Variants in MYH3 observed in about 807,000 individuals in gnomAD.
The protein encoded by MYH3 is myosin heavy chain 3.
MYH3 carries 130 observed loss-of-function variants against 238.0 expected under a neutral mutation model. That is an observed-to-expected ratio of 0.55 (90% CI 0.47 to 0.63). The LOEUF (loss-of-function observed/expected upper bound fraction) is 0.63, where lower values mean the gene tolerates loss of function less well. Among genes scored for constraint, MYH3 ranks in the 30% least tolerant of loss-of-function variants. The pLI is 0.00. For synonymous variants in MYH3, 880 were observed against 924.1 expected (o/e 0.95, Z 0.86); for missense variants, 1,853 against 2,374.9 (o/e 0.78, Z 4.57).
rs775987853 is a variant in MYH3, at chr17:10,635,852, A to G, written c.3858T>C (p.Gly1286=). The G allele has an allele frequency of 5.2e-5, 83 of 1,609,294 alleles. No individual in the cohort carries two copies. The highest frequency in any genetic ancestry group is 7.0e-5 in the Non-Finnish European group (82 of 1,175,574). Residue 1286 remains glycine (G), a splice_region_variant and synonymous_variant, in exon 29 of 41, where the codon GGT becomes GGC. Coordinates refer to ENST00000583535, the MANE Select transcript of MYH3 (RefSeq NM_002470.4). The part of the protein sequence containing the change: ...TQKSRLQTEA[G]ELSRQLEEKE... ...TTTCTTCCAGCTGACGACTCAGCTC[A>G]CCTGTGTCCAGAAGGAAATAGTTTC...
At position 10,642,532 on chromosome 17, in the gene MYH3, G is replaced by A. The variant is rs2073325584; in HGVS notation, c.1773C>T (p.Val591=). 1.2e-6 allele frequency: 2 copies of A among 1,614,098 alleles called. No homozygotes were observed. The highest frequency in any genetic ancestry group is 1.7e-5 in the Admixed American group (1 of 60,010). Residue 591 remains valine (V), a synonymous_variant, in exon 16 of 41, where the codon GTC becomes GTT. Coordinates refer to ENST00000583535, the MANE Select transcript of MYH3 (RefSeq NM_002470.4). This position sits in a 1 kb window ranked among gnomAD's most constrained non-coding sequence, Gnocchi z 5.4. ...CCTTGTTCTTCTCCAGCCAACCTGA[G>A]ACACTGTAGTCCACGGTGCCCGCAT... ...IHYAGTVDYS[V]SGWLEKNKDP...
At chr17:10,673,751 A>G in the MYH3 span, 4 of 152,240 alleles carry the variant, frequency 2.6e-5, no homozygotes, top group East Asian at 7.7e-4. Context: ...AAGGCCCCAC[A>G]GGGTAACCAA....
At chr17:10,652,917 G>A (rs921070327) in intron 3 of MYH3, among the ~76,000 whole-genome samples, 14 of 151,900 alleles carry the variant, frequency 9.2e-5, no homozygotes, top group African/African-American at 2.7e-4. Flanking sequence ...CACCGTGCCT[G>A]GCCTGTCTGC....
Position 10,646,046 on chromosome 17 carries a change from T to C in MYH3, c.899-14A>G. On this transcript the variant is annotated splice_polypyrimidine_tract_variant and intron_variant, in intron 10 of 40. Coordinates refer to ENST00000583535, the MANE Select transcript of MYH3 (RefSeq NM_002470.4). ...TAAGCAGCAGCTCTGAAATGACAAA[T>C]AGTTCCAGGAGGTTATGCAGATGCA... The C allele has an allele frequency of 6.2e-7, 1 of 1,606,568 alleles. No homozygotes were observed. Among genetic ancestry groups the C allele is most frequent in the Non-Finnish European group, 8.5e-7 (1 of 1,173,368 alleles).
chr17:10,664,894 G>C, the MYH3 span, among the ~76,000 whole-genome samples: 1 of 152,148 alleles, frequency 6.6e-6, no homozygotes, highest in Non-Finnish European at 1.5e-5. Context: ...GGGATTTGGA[G>C]AAAGGAATTA....
chr17:10,649,369 C>A (rs895571127), intron 7 of MYH3, among the ~76,000 whole-genome samples: 2 of 152,224 alleles, frequency 1.3e-5, no homozygotes, highest in Admixed American at 1.3e-4. Flanking sequence ...AGAGCCTTGT[C>A]TTCTAAGAAA....
At chr17:10,650,986 A>C (rs1481173374) in intron 5 of MYH3, among the ~76,000 whole-genome samples, 1 of 152,054 alleles carries the variant, frequency 6.6e-6, no homozygotes, top group East Asian at 1.9e-4. Context: ...CAGGAGTTTG[A>C]GACCAGCCTG....
At chr17:10,631,563 G>A (rs1427581377) in intron 36 of MYH3, 48 bp downstream of exon 36, 3 of 1,614,014 alleles carry the variant, frequency 1.9e-6, no homozygotes, top group Non-Finnish European at 2.5e-6. Flanking sequence ...GGGCTTTAAT[G>A]CAATGCAATC....
In MYH3 at chr17:10,639,351, T is replaced by C. The variant is rs763164602; in HGVS notation, c.3049A>G (p.Lys1017Glu). The part of the protein sequence containing the change: ...ALDDLQAEED[K>E]VNSLNKTKSK... ...TTGGTTTTGTTCAAAGAATTGACTT[T>C]GTCTTCTTCAGCTTGGAGGTCATCC... The change falls in exon 24 of 41, where the codon AAA (lysine) becomes GAA (glutamate). Residue 1017 changes from lysine (K) to glutamate (E), a missense_variant. Lys to Glu is a moderately conservative substitution (Grantham distance 56). Transcript: ENST00000583535. 1.9e-6 allele frequency: 3 copies of C among 1,614,118 alleles called. No homozygotes were observed. The highest frequency in any genetic ancestry group is 1.3e-5 in the African/African-American group (1 of 74,948).
At chr17:10,670,077 C>T in the MYH3 span, among the ~76,000 whole-genome samples, 1 of 152,084 alleles carries the variant, frequency 6.6e-6, no homozygotes, top group Non-Finnish European at 1.5e-5. The surrounding 1 kb of genome is among the most constrained non-coding windows in gnomAD (Gnocchi z 7.0). Context: ...GTTATCAGTC[C>T]CACGTGTGAC....
intron 27 of MYH3, 27 bp from the exon 28 acceptor site, chr17:10,637,962 G>A: frequency 2.5e-6 from 4 of 1,614,128 alleles, no homozygotes; most frequent in Non-Finnish European, 3.4e-6. Flanking sequence ...GGGGAGCAAA[G>A]TCAGTCAGCA....
At chr17:10,670,049 G>A in the MYH3 span, among the ~76,000 whole-genome samples, 1 of 152,194 alleles carries the variant, frequency 6.6e-6, no homozygotes, top group Non-Finnish European at 1.5e-5. The surrounding 1 kb of genome is among the most constrained non-coding windows in gnomAD (Gnocchi z 7.0). Context: ...TTGAAGGTGG[G>A]GAGGCAGAGG....
intron 4 of MYH3, chr17:10,651,988 G>A (rs374952118): frequency 5.3e-5 from 21 of 392,844 alleles, no homozygotes; most frequent in African/African-American, 2.9e-4. Context: ...TGATCCACCC[G>A]CCTTACCCTC....
At chr17:10,640,303 G>A in intron 21 of MYH3, 30 bp downstream of exon 21, 1 of 1,614,208 alleles carries the variant, frequency 6.2e-7, no homozygotes, top group Non-Finnish European at 8.5e-7. Context: ...TCCCCAAAGA[G>A]CTCATGTCTG....
intron 36 of MYH3, among the ~76,000 whole-genome samples, chr17:10,631,193 T>C (rs1213834293): frequency 6.6e-6 from 1 of 152,186 alleles, no homozygotes. Context: ...ATTAAGGCTG[T>C]ACAGGAACAA....
In MYH3 at chr17:10,648,151, C is replaced by G. The variant is rs148381864; in HGVS notation, c.735+406G>C. Among the ~76,000 whole-genome samples the G allele has an allele frequency of 2.2e-3, 331 of 152,218 alleles. 6 individuals carry two copies. Among genetic ancestry groups the G allele is most frequent in the African/African-American group, 7.6e-3 (314 of 41,526 alleles). On this transcript the variant is annotated intron_variant, in intron 8 of 40. Transcript: ENST00000583535. ...CTTCCACCTCATCTCATGGAACTGG[C>G]CCCCCTGCCCTCCTCCCTACAACCA...
the MYH3 span, among the ~76,000 whole-genome samples, chr17:10,667,169 C>A: frequency 6.6e-6 from 1 of 152,162 alleles, no homozygotes; most frequent in Non-Finnish European, 1.5e-5. Context: ...AACAAACTAG[C>A]AAAATGATAC....
rs1419329507 is a variant in MYH3, at chr17:10,638,114, T to C, written c.3658A>G (p.Lys1220Glu). 2 of 1,613,542 alleles carry C rather than the reference T, an allele frequency of 1.2e-6. No individual in the cohort carries two copies. Among genetic ancestry groups the C allele is most frequent in the South Asian group, 1.1e-5 (1 of 91,044 alleles). The change falls in exon 27 of 41, where the codon AAG (lysine) becomes GAG (glutamate). Residue 1220 changes from lysine (K) to glutamate (E), a missense_variant. Lys to Glu is a moderately conservative substitution (Grantham distance 56). This residue lies in a region of MYH3 where 1,044 missense variants were observed against 1,192.6 expected (regional missense o/e 0.88). Coordinates refer to ENST00000583535, the MANE Select transcript of MYH3 (RefSeq NM_002470.4). ...NLQRVKQKLE[K>E]EKSEFKLEID... The stretch of plus-strand genomic sequence containing the variant: ...TCCAGCTTGAACTCGCTCTTCTCCT[T>C]CTCCAGCTTCTGCTTGACCCGCTGC...
intron 40 of MYH3, among the ~76,000 whole-genome samples, 186 bp from the exon 41 acceptor site, chr17:10,628,865 G>C (rs527342871): frequency 2.6e-5 from 4 of 152,104 alleles, no homozygotes; most frequent in Non-Finnish European, 5.9e-5. Context: ...CTGGCCCTCC[G>C]AAAGAGCAAG....
Sources: gnomAD v4.1 joint callset for allele counts (sites outside exome capture counted in the v4.1 genomes callset) on GRCh38, gnomAD v4.1.1 for gene constraint, gnomAD v4.1.1 regional missense constraint, Gnocchi (gnomAD v3.1) non-coding constraint, MANE v1.5 for transcripts, NCBI Gene and HGNC (gene_info 2026-07-23, HGNC 2026-07-21) for gene names.